Variants in NBEAL1 observed in about 807,000 individuals in gnomAD.
NBEAL1 encodes neurobeachin like 1, also known as neurobeachin-like protein 1.
NBEAL1 carries 273 observed loss-of-function variants against 351.3 expected under a neutral mutation model. The observed-to-expected ratio is 0.78, with a 90% CI of 0.70 to 0.86. The LOEUF (loss-of-function observed/expected upper bound fraction) is 0.86. NBEAL1 is among the 40% of genes least tolerant of loss of function. NBEAL1 has a pLI of 0.00. For synonymous variants in NBEAL1, 1,050 were observed against 1,086.4 expected (o/e 0.97, Z 0.66); for missense variants, 2,961 against 3,201.3 (o/e 0.92, Z 1.81).
In NBEAL1 at chr2:203,015,587, A is replaced by G. The variant is rs185769854; in HGVS notation, c.-229-569A>G. On this transcript the variant is annotated intron_variant, in intron 1 of 55. Coordinates refer to ENST00000683969, the MANE Select transcript of NBEAL1 (RefSeq NM_001378026.1). The stretch of plus-strand genomic sequence containing the variant: ...GCAATTCTCCTGCCTCAGCCTCCTG[A>G]GTAGCTGGGATTACAGGTGCCCGCC... Among the ~76,000 whole-genome samples the G allele has an allele frequency of 4.2e-3, 642 of 152,154 alleles. 11 individuals carry two copies. Among genetic ancestry groups the G allele is most frequent in the Admixed American group, 0.027 (415 of 15,284 alleles).
chr2:203,158,242 A>G (rs952853598), intron 36 of NBEAL1, among the ~76,000 whole-genome samples: 1 of 152,188 alleles, frequency 6.6e-6, no homozygotes, highest in Non-Finnish European at 1.5e-5. Context: ...ACAAGCAAAC[A>G]AAAAGCAAAA....
chr2:203,087,902 C>T (rs914730028), intron 10 of NBEAL1, among the ~76,000 whole-genome samples: 1 of 152,070 alleles, frequency 6.6e-6, no homozygotes, highest in African/African-American at 2.4e-5. Context: ...AGTTGAAAAT[C>T]GATTAAATTT....
chr2:203,139,066 T>C (rs1018704760), intron 31 of NBEAL1, among the ~76,000 whole-genome samples: 1 of 152,182 alleles, frequency 6.6e-6, no homozygotes, highest in Non-Finnish European at 1.5e-5. Context: ...TGTTTATATA[T>C]GTGCAGTTTA....
intron 4 of NBEAL1, among the ~76,000 whole-genome samples, chr2:203,054,910 C>G (rs2061381665): frequency 6.6e-6 from 1 of 152,154 alleles, no homozygotes; most frequent in South Asian, 2.1e-4. Context: ...GCCTTAGAGA[C>G]AGTCATTTTC....
intron 2 of NBEAL1, among the ~76,000 whole-genome samples, chr2:203,034,181 C>T (rs573994613): frequency 2.1e-5 from 3 of 144,014 alleles, no homozygotes; most frequent in African/African-American, 2.6e-5. Context: ...TTTTTTGAGA[C>T]GGAGTCTTGC....
intron 27 of NBEAL1, among the ~76,000 whole-genome samples, chr2:203,133,992 G>A (rs2063138778): frequency 6.6e-6 from 1 of 151,918 alleles, no homozygotes; most frequent in Admixed American, 6.6e-5. Flanking sequence ...TGTTATGAAT[G>A]TCTTTTTATG....
intron 8 of NBEAL1, 84 bp from the exon 9 acceptor site, chr2:203,083,135 G>A: frequency 2.5e-6 from 3 of 1,194,994 alleles, no homozygotes; most frequent in Non-Finnish European, 3.4e-6. Flanking sequence ...AAGGTTGCCT[G>A]CAGATGTATT....
intron 18 of NBEAL1, among the ~76,000 whole-genome samples, chr2:203,119,784 T>C (rs1005354236): frequency 6.6e-6 from 1 of 152,128 alleles, no homozygotes; most frequent in African/African-American, 2.4e-5. Context: ...AATTCTGCTA[T>C]AAAGGAACCA....
intron 10 of NBEAL1, among the ~76,000 whole-genome samples, chr2:203,094,517 A>G (rs532672649): frequency 6.6e-6 from 1 of 152,322 alleles, no homozygotes; most frequent in South Asian, 2.1e-4. Flanking sequence ...AATATCATAA[A>G]CAATTTATGA....
At chr2:203,021,520 G>A (rs1231677056) in intron 2 of NBEAL1, among the ~76,000 whole-genome samples, 2 of 151,852 alleles carry the variant, frequency 1.3e-5, no homozygotes, top group African/African-American at 2.4e-5. Context: ...GCTTGAACCC[G>A]GGAAGTGTAG....
At chr2:203,147,965 C>T (rs1173000553) in intron 33 of NBEAL1, among the ~76,000 whole-genome samples, 1 of 152,016 alleles carries the variant, frequency 6.6e-6, no homozygotes, top group Non-Finnish European at 1.5e-5. Flanking sequence ...TTAAGAATAT[C>T]CTCATATTAT....
chr2:203,019,553 C>T (rs1440627696), intron 2 of NBEAL1, among the ~76,000 whole-genome samples: 3 of 152,066 alleles, frequency 2.0e-5, no homozygotes, highest in Non-Finnish European at 2.9e-5. Flanking sequence ...AAGAAGACAC[C>T]TTGGAAGATT....
intron 50 of NBEAL1, among the ~76,000 whole-genome samples, chr2:203,202,037 A>G (rs1665261781): frequency 6.6e-6 from 1 of 152,200 alleles, no homozygotes; most frequent in South Asian, 2.1e-4. Context: ...TAAGACATCA[A>G]CTGCTCTATT....
rs572387817 is a variant in NBEAL1, at chr2:203,212,052, A to T, written c.7934+946A>T. Among the ~76,000 whole-genome samples, 6 of 151,834 alleles carry T rather than the reference A, an allele frequency of 4.0e-5. No individual in the cohort carries two copies. The East Asian group carries it at 1.2e-3, about 30-fold the overall frequency. On this transcript the variant is annotated intron_variant, in intron 54 of 55. Coordinates refer to ENST00000683969, the MANE Select transcript of NBEAL1 (RefSeq NM_001378026.1). ...TAGGTGCGTGCCATCGTGCCCAGCTAATTTTTGTATTTTTAGTAGAGATGA... is the reference window on the plus strand; with the variant it reads ...TAGGTGCGTGCCATCGTGCCCAGCTTATTTTTGTATTTTTAGTAGAGATGA...
At position 203,209,068 on chromosome 2, in the gene NBEAL1, C is replaced by G. The variant is rs1330100774; in HGVS notation, c.7624-93C>G. ...GAATAATCATTTTCTTGGTTCCTTT[C>G]CCACATTTCTTTATCTGGCCCACTC... On this transcript the variant is annotated intron_variant, in intron 52 of 55. Transcript: ENST00000683969. 5.8e-6 allele frequency: 6 copies of G among 1,026,334 alleles called. No individual in the cohort carries two copies. In the African/African-American group the frequency reaches 8.0e-5, roughly 14 times the overall value. The allele number at this position is 1,026,334 out of a possible 1,614,324, so 63.6% of individuals were successfully genotyped here.
intron 3 of NBEAL1, among the ~76,000 whole-genome samples, chr2:203,049,162 A>C (rs1169340414): frequency 6.6e-6 from 1 of 152,128 alleles, no homozygotes; most frequent in East Asian, 1.9e-4. Flanking sequence ...TAAATGTGGG[A>C]AATGTGATAA....
chr2:203,065,481 G>A (rs1252462863), intron 6 of NBEAL1, among the ~76,000 whole-genome samples: 2 of 152,058 alleles, frequency 1.3e-5, no homozygotes, highest in Admixed American at 6.6e-5. Context: ...GCTGGGGCGC[G>A]GTGGCTCACG....
At chr2:203,175,600 A>G (rs2064476081) in intron 42 of NBEAL1, among the ~76,000 whole-genome samples, 1 of 152,208 alleles carries the variant, frequency 6.6e-6, no homozygotes, top group Non-Finnish European at 1.5e-5. Context: ...AACCAATCCA[A>G]TGCCTATGCC....
At chr2:203,176,403 G>A (rs1269086717) in intron 42 of NBEAL1, among the ~76,000 whole-genome samples, 4 of 151,908 alleles carry the variant, frequency 2.6e-5, no homozygotes, top group Non-Finnish European at 5.9e-5. Context: ...GTAAGTATCT[G>A]ATAGAAGATA....
Sources: gnomAD v4.1 joint callset for allele counts (sites outside exome capture counted in the v4.1 genomes callset) on GRCh38, gnomAD v4.1.1 for gene constraint, MANE v1.5 for transcripts, NCBI Gene and HGNC (gene_info 2026-07-23, HGNC 2026-07-21) for gene names.